Variants in RBFOX1 observed in about 807,000 individuals in gnomAD.
RBFOX1 encodes the protein RNA binding fox-1 homolog 1.
In RBFOX1, 8 loss-of-function variants were observed where a neutral mutation model predicts 57.7. That is an observed-to-expected ratio of 0.14 (90% CI 0.08 to 0.25). The LOEUF (loss-of-function observed/expected upper bound fraction) is 0.25, where lower values mean the gene tolerates loss of function less well. Among genes scored for constraint, RBFOX1 ranks in the 10% least tolerant of loss-of-function variants. The pLI is 1.00. For missense variants in RBFOX1, 611 were observed against 548.5 expected (o/e 1.11, Z -1.14); for synonymous variants, 326 against 222.4 (o/e 1.47, Z -4.15).
At chr16:5,267,532 A>C (rs1257603600) in intron 1 of RBFOX1, among the ~76,000 whole-genome samples, 1 of 151,298 alleles carries the variant, frequency 6.6e-6, no homozygotes, top group Non-Finnish European at 1.5e-5. Context: ...TCCTGGCCTG[A>C]AGTGATCTGC....
At chr16:6,307,093 C>T (rs2079599631) in intron 1 of RBFOX1, among the ~76,000 whole-genome samples, 1 of 152,196 alleles carries the variant, frequency 6.6e-6, no homozygotes, top group South Asian at 2.1e-4. Flanking sequence ...ACTGGATTTG[C>T]ATTCTGGCTT....
At chr16:6,861,823 G>GTTTTTTTTTTTTTTTTTT (rs35138717) in intron 3 of RBFOX1, among the ~76,000 whole-genome samples, 28 of 92,452 alleles carry the variant, frequency 3.0e-4, no homozygotes, top group Admixed American at 5.0e-4. Context: ...GCGTCCCTTG[G>GTTTTTTTTTTTTTTTTTT]TTTTTTTTTT....
chr16:5,387,127 C>T (rs1596785733), intron 1 of RBFOX1, among the ~76,000 whole-genome samples: 1 of 152,214 alleles, frequency 6.6e-6, no homozygotes, highest in Non-Finnish European at 1.5e-5. Context: ...TGTCTCCCCA[C>T]AAGGCTCAAA....
chr16:7,291,930 TTTATATA>T (rs1208996149), intron 4 of RBFOX1, among the ~76,000 whole-genome samples: 1 of 98,024 alleles, frequency 1.0e-5, no homozygotes, highest in African/African-American at 3.7e-5. Context: ...TATAATGTAT[TTTATATA>T]TTATATATTA....
chr16:6,352,406 C>A (rs767619072), intron 2 of RBFOX1, among the ~76,000 whole-genome samples: 54 of 152,028 alleles, frequency 3.6e-4, no homozygotes, highest in Non-Finnish European at 5.6e-4. Context: ...GACAAATGAC[C>A]AAAATTTAGT....
At chr16:6,154,988 C>T (rs1440160966) in intron 1 of RBFOX1, among the ~76,000 whole-genome samples, 1 of 152,072 alleles carries the variant, frequency 6.6e-6, no homozygotes, top group Non-Finnish European at 1.5e-5. Context: ...TGAATATTCT[C>T]AATGCTTCCA....
chr16:6,778,902 G>A (rs1247436409), intron 3 of RBFOX1, among the ~76,000 whole-genome samples: 1 of 151,710 alleles, frequency 6.6e-6, no homozygotes, highest in East Asian at 1.9e-4. Flanking sequence ...TTATGGAAGA[G>A]TTGTACATAT....
chr16:6,699,532 CTGGT>C lies in RBFOX1; in HGVS notation c.-16+44886_-16+44889del, dbSNP rs1369152561. ...GTGTCCAGTGACCTATCAACGCTGACTGGTTGGGCACTCCAGTAACAAACACCAA... is the reference window on the plus strand; with the variant it reads ...GTGTCCAGTGACCTATCAACGCTGACTGGGCACTCCAGTAACAAACACCAA... On this transcript the variant is annotated intron_variant, in intron 3 of 15. Transcript: ENST00000550418. Among the ~76,000 whole-genome samples, 3 of 152,308 alleles carry C rather than the reference CTGGT, an allele frequency of 2.0e-5. No individual in the cohort carries two copies. The East Asian group carries it at 5.8e-4, about 29-fold the overall frequency.
intron 3 of RBFOX1, among the ~76,000 whole-genome samples, chr16:5,728,126 A>G (rs774489700): frequency 1.3e-5 from 2 of 152,244 alleles, no homozygotes; most frequent in Non-Finnish European, 2.9e-5. Context: ...AAGAAATAAA[A>G]TCACAATCTC....
intron 1 of RBFOX1, among the ~76,000 whole-genome samples, chr16:6,293,250 A>G (rs2077659734): frequency 6.6e-6 from 1 of 152,166 alleles, no homozygotes; most frequent in Non-Finnish European, 1.5e-5. Flanking sequence ...GAGCTAAGAA[A>G]TATTGGATCA....
At chr16:7,052,233 T>A in intron 4 of RBFOX1, 135 bp downstream of exon 4, 1 of 1,350,380 alleles carries the variant, frequency 7.4e-7, no homozygotes, top group Non-Finnish European at 9.8e-7. Context: ...AAAATATTTA[T>A]CCCAGCTTAT....
intron 6 of RBFOX1, 151 bp downstream of exon 6, chr16:7,580,071 T>A: frequency 1.2e-6 from 1 of 827,866 alleles, no homozygotes; most frequent in Non-Finnish European, 1.9e-6. Context: ...ATATTGTGGC[T>A]AGAATCTCTT....
intron 1 of RBFOX1, among the ~76,000 whole-genome samples, chr16:6,194,736 C>G (rs2097168850): frequency 6.6e-6 from 1 of 152,198 alleles, no homozygotes; most frequent in African/African-American, 2.4e-5. Context: ...TATCCCTATA[C>G]ATCTATCTTG....
At position 6,313,938 on chromosome 16, in the gene RBFOX1, G is replaced by T. The variant is rs188448854; in HGVS notation, c.-126-3057G>T. On this transcript the variant is annotated intron_variant, in intron 1 of 15. Coordinates refer to ENST00000550418, the MANE Select transcript of RBFOX1 (RefSeq NM_018723.4). ...ATTTCTGTTCTCGCTTTATAACAATGGTTCTCAGCCTCTGTTTTTATAAAA... is the reference window on the plus strand; with the variant it reads ...ATTTCTGTTCTCGCTTTATAACAATTGTTCTCAGCCTCTGTTTTTATAAAA... Among the ~76,000 whole-genome samples, 186 of 152,186 alleles carry T rather than the reference G, an allele frequency of 1.2e-3. 1 individual carries two copies. The highest frequency in any genetic ancestry group is 3.9e-3 in the African/African-American group (160 of 41,536).
chr16:6,949,128 G>A (rs939719113), intron 3 of RBFOX1, among the ~76,000 whole-genome samples: 1 of 152,118 alleles, frequency 6.6e-6, no homozygotes, highest in African/African-American at 2.4e-5. Context: ...TTTAAAACAT[G>A]GATAGGGATA....
At chr16:6,937,748 G>C (rs918164313) in intron 3 of RBFOX1, among the ~76,000 whole-genome samples, 2 of 152,078 alleles carry the variant, frequency 1.3e-5, no homozygotes, top group African/African-American at 4.8e-5. Flanking sequence ...AGGGGTTGTG[G>C]AGACCAAAGT....
chr16:5,678,208 T>G (rs2050223245), intron 3 of RBFOX1, among the ~76,000 whole-genome samples: 1 of 152,182 alleles, frequency 6.6e-6, no homozygotes, highest in South Asian at 2.1e-4. Context: ...AGCCCACAGA[T>G]GCAGGGAGAG....
chr16:6,200,172 T>C (rs985985261), intron 1 of RBFOX1, among the ~76,000 whole-genome samples: 6 of 152,156 alleles, frequency 3.9e-5, no homozygotes, highest in Admixed American at 1.3e-4. Context: ...TGAGAGAGCA[T>C]AAGGCTACCT....
chr16:7,021,536 T>A (rs1382080316), intron 3 of RBFOX1, among the ~76,000 whole-genome samples: 1 of 145,942 alleles, frequency 6.9e-6, no homozygotes, highest in African/African-American at 2.5e-5. Flanking sequence ...TATAAAATTT[T>A]ATAAAATTTT....
Sources: allele counts gnomAD v4.1 joint callset (sites outside exome capture counted in the v4.1 genomes callset), GRCh38; gene constraint gnomAD v4.1.1; transcripts MANE v1.5; gene names NCBI Gene and HGNC (gene_info 2026-07-23, HGNC 2026-07-21).